The following EPRS1 variants were observed in gnomAD, a reference collection of about 807,000 sequenced individuals.
The protein encoded by EPRS1 is bifunctional glutamate/proline--tRNA ligase.
EPRS1 carries 107 observed loss-of-function variants against 188.3 expected under a neutral mutation model. The observed-to-expected ratio is 0.57, with a 90% CI of 0.49 to 0.67. EPRS1 has a LOEUF of 0.67. Ranked by LOEUF, EPRS1 falls within the 30% of genes least tolerant of loss-of-function variation. The pLI is 0.00. For synonymous variants in EPRS1, 596 were observed against 593.1 expected, an observed-to-expected ratio of 1.00 and a Z score of -0.07; for missense variants, 1,577 against 1,802.2, an observed-to-expected ratio of 0.88 and a Z score of 2.26.
In EPRS1 at chr1:220,006,333, T is replaced by G. The variant is rs755006081; in HGVS notation, c.1743-20A>C. On this transcript the variant is annotated intron_variant, in intron 14 of 31. Transcript: ENST00000366923. ...GCATTTCTAGATATAAGATTAAAAG[T>G]ATTCAAAGAAATATTAACCACAGCT... is the stretch of plus-strand genomic sequence containing the variant. 8 of 1,266,732 alleles carry G rather than the reference T, an allele frequency of 6.3e-6. No homozygotes were observed. In the African/African-American group the frequency reaches 1.0e-4, roughly 17 times the overall value. 78.5% of individuals were successfully genotyped at this position (1,266,732 alleles called of 1,614,324 possible).
At chr1:220,014,220 C>T (rs192454284) in intron 12 of EPRS1, among the ~76,000 whole-genome samples, 57 of 151,896 alleles carry the variant, frequency 3.8e-4, no homozygotes, top group Middle Eastern at 3.4e-3. Context: ...CCCAGCTACT[C>T]GGGAGGCTGA....
At chr1:219,974,799 G>A (rs143677275) in intron 28 of EPRS1, among the ~76,000 whole-genome samples, 251 of 152,220 alleles carry the variant, frequency 1.6e-3, no homozygotes, top group African/African-American at 5.9e-3. Context: ...ACAGTGCTAA[G>A]TGCAATGAGA....
intron 12 of EPRS1, among the ~76,000 whole-genome samples, chr1:220,016,427 T>C (rs1314194126): frequency 6.6e-6 from 1 of 151,714 alleles, no homozygotes; most frequent in Admixed American, 6.6e-5. Flanking sequence ...TTTTTTTCTT[T>C]TGAGACAGAG....
Position 220,000,532 on chromosome 1 carries a change from A to G in EPRS1, c.2181+606T>C, listed in dbSNP as rs144160642. On this transcript the variant is annotated intron_variant, in intron 17 of 31. Coordinates refer to ENST00000366923, the MANE Select transcript of EPRS1 (RefSeq NM_004446.3). Reference sequence around the variant, plus strand: ...TACCGCTCTTTTAACTAAAATTTTTATTTTGGAAAATTTTTTTTAATAAAA... The same window carrying G: ...TACCGCTCTTTTAACTAAAATTTTTGTTTTGGAAAATTTTTTTTAATAAAA... Among the ~76,000 whole-genome samples, 473 of 152,298 alleles carry G rather than the reference A, an allele frequency of 3.1e-3. 2 individuals are homozygous for G. The highest frequency in any genetic ancestry group is 0.017 in the Middle Eastern group (5 of 294).
chr1:219,987,662 G>T (rs1661031909), intron 19 of EPRS1, among the ~76,000 whole-genome samples: 1 of 147,736 alleles, frequency 6.8e-6, no homozygotes, highest in Non-Finnish European at 1.5e-5. Context: ...AAAGACAGGG[G>T]TTTGGGGACA....
chr1:220,029,191 G>A (rs1662040727), intron 6 of EPRS1, among the ~76,000 whole-genome samples: 1 of 152,000 alleles, frequency 6.6e-6, no homozygotes. Flanking sequence ...CACAGTAGCA[G>A]AATACTAGAT....
In EPRS1 at chr1:220,018,622, A is replaced by C. The variant is rs1661791385; in HGVS notation, c.1435-114T>G. On this transcript the variant is annotated intron_variant, in intron 11 of 31. Transcript: ENST00000366923. ...AAAAAAAACTCGATAAATACTTTCA[A>C]GTTTACTTCTAGTGAAATATAAAAC... 17 of 729,398 alleles carry C rather than the reference A, an allele frequency of 2.3e-5. No individual in the cohort carries two copies. In the East Asian group the frequency reaches 4.5e-4, roughly 19 times the overall value. 45.2% of individuals were successfully genotyped at this position (729,398 alleles called of 1,614,324 possible).
At chr1:220,041,464 A>G (rs1040577219) in intron 1 of EPRS1, among the ~76,000 whole-genome samples, 3 of 152,250 alleles carry the variant, frequency 2.0e-5, no homozygotes, top group African/African-American at 7.2e-5. Flanking sequence ...AGCCTCATGT[A>G]GTCCACAGCT....
intron 1 of EPRS1, 60 bp downstream of exon 1, chr1:220,046,283 A>G (rs1662400888): frequency 6.2e-7 from 1 of 1,603,678 alleles, no homozygotes; most frequent in African/African-American, 1.3e-5. Flanking sequence ...GCGACCTTCC[A>G]CGCCCTGCAC....
intron 8 of EPRS1, 35 bp from the exon 9 acceptor site, chr1:220,022,553 C>A (rs1255998611): frequency 6.6e-7 from 1 of 1,509,628 alleles, no homozygotes; most frequent in Admixed American, 1.9e-5. Context: ...GTTCACTAAT[C>A]TGGTTAAATT....
intron 18 of EPRS1, among the ~76,000 whole-genome samples, chr1:219,995,708 C>T (rs1661217895): frequency 6.6e-6 from 1 of 152,148 alleles, no homozygotes; most frequent in Non-Finnish European, 1.5e-5. Flanking sequence ...AAGGATTTCT[C>T]AACAGTTCAC....
intron 30 of EPRS1, among the ~76,000 whole-genome samples, chr1:219,969,971 G>A (rs1198705884): frequency 2.0e-5 from 3 of 152,092 alleles, no homozygotes; most frequent in Admixed American, 2.0e-4. Flanking sequence ...ACAGGCGTGT[G>A]CCACCATGCC....
intron 5 of EPRS1, 41 bp from the exon 6 acceptor site, chr1:220,030,521 T>C: frequency 1.4e-6 from 2 of 1,456,496 alleles, no homozygotes; most frequent in Non-Finnish European, 1.9e-6. Flanking sequence ...AGTCTTATGG[T>C]TAAATGTCTA....
At chr1:219,990,378 A>G (rs1661096694) in intron 18 of EPRS1, among the ~76,000 whole-genome samples, 2 of 152,200 alleles carry the variant, frequency 1.3e-5, no homozygotes, top group Admixed American at 1.3e-4. Context: ...AGGTACCTAA[A>G]GATTCTTGAG....
intron 16 of EPRS1, among the ~76,000 whole-genome samples, chr1:220,003,112 C>T (rs576310764): frequency 2.1e-4 from 32 of 152,182 alleles, no homozygotes; most frequent in Non-Finnish European, 1.9e-4. Context: ...CATATGGGTT[C>T]CAATTTCTCC....
intron 18 of EPRS1, among the ~76,000 whole-genome samples, chr1:219,992,000 T>A (rs1050959941): frequency 3.9e-5 from 6 of 152,146 alleles, no homozygotes; most frequent in African/African-American, 1.4e-4. Flanking sequence ...ACTACACACA[T>A]CCCAAATAAG....
At chr1:219,973,108 A>T in intron 29 of EPRS1, 130 bp downstream of exon 29, 1 of 706,068 alleles carries the variant, frequency 1.4e-6, no homozygotes, top group Non-Finnish European at 2.4e-6. Flanking sequence ...GTGGCAAATT[A>T]AGTAGCATGG....
intron 3 of EPRS1, 77 bp from the exon 4 acceptor site, chr1:220,033,735 A>G (rs1261622228): frequency 9.9e-7 from 1 of 1,006,992 alleles, no homozygotes; most frequent in African/African-American, 1.6e-5. Context: ...AAAAAATTCT[A>G]GTTAACTAGA....
At position 220,001,178 on chromosome 1, in the gene EPRS1, C is replaced by T. The variant is rs374231493; in HGVS notation, c.2141G>A (p.Gly714Glu). 25 of 1,613,598 alleles carry T rather than the reference C, an allele frequency of 1.5e-5. No homozygotes were observed. In the African/African-American group the frequency reaches 2.8e-4, roughly 18 times the overall value. ...DGHTKEMPTS[G>E]SKEKTKVEAT... is the part of the protein sequence containing the mutation. ...TTCTACTTTGGTCTTTTCCTTTGAC[C>T]CTGATGTTGGCATTTCCTTTGTGTG... Residue 714 changes from glycine (G) to glutamate (E), a missense_variant, in exon 17 of 32, where the codon GGG becomes GAG. Gly to Glu is a moderately conservative substitution (Grantham distance 98, BLOSUM62 -2). Coordinates refer to ENST00000366923, the MANE Select transcript of EPRS1 (RefSeq NM_004446.3).
Sources: allele counts gnomAD v4.1 joint callset (sites outside exome capture counted in the v4.1 genomes callset), GRCh38; gene constraint gnomAD v4.1.1; transcripts MANE v1.5; gene names NCBI Gene and HGNC (gene_info 2026-07-23, HGNC 2026-07-21).